RFX2: variants seen among roughly 807,000 people sequenced by gnomAD.
RFX2 encodes the protein regulatory factor X2.
RFX2 carries 20 observed loss-of-function variants against 87.8 expected under a neutral mutation model. That is an observed-to-expected ratio of 0.23 (90% CI 0.16 to 0.33). The LOEUF is 0.33. RFX2 is among the 10% of genes least tolerant of loss of function. The pLI is 1.00. For missense variants in RFX2, 767 were observed against 1,012.3 expected (o/e 0.76, Z 3.29); for synonymous variants, 397 against 431.3 (o/e 0.92, Z 0.98).
At chr19:6,069,231 G>C (rs964012124) in intron 1 of RFX2, among the ~76,000 whole-genome samples, 14 of 152,190 alleles carry the variant, frequency 9.2e-5, no homozygotes, top group Non-Finnish European at 1.6e-4. Context: ...ATGCAGGCTG[G>C]AGCCATCAGT....
At chr19:6,032,048 G>C (rs993080372) in intron 5 of RFX2, among the ~76,000 whole-genome samples, 1 of 152,198 alleles carries the variant, frequency 6.6e-6, no homozygotes, top group Non-Finnish European at 1.5e-5. Context: ...TGTTACCATA[G>C]AAGGAGCCAA....
At chr19:6,028,202 AT>A (rs2086914134) in intron 5 of RFX2, among the ~76,000 whole-genome samples, 2 of 149,550 alleles carry the variant, frequency 1.3e-5, no homozygotes, top group African/African-American at 5.1e-5. Context: ...CACTTTCCAA[AT>A]TAAAAAAAAA....
intron 1 of RFX2, among the ~76,000 whole-genome samples, chr19:6,051,605 G>C (rs1395551385): frequency 6.6e-6 from 1 of 151,854 alleles, no homozygotes; most frequent in Non-Finnish European, 1.5e-5. Context: ...ATAAAGGCAA[G>C]AAATAAAGAA....
At chr19:6,095,974 C>T (rs2088016596) in intron 1 of RFX2, among the ~76,000 whole-genome samples, 1 of 152,212 alleles carries the variant, frequency 6.6e-6, no homozygotes, top group Non-Finnish European at 1.5e-5. Flanking sequence ...ATGTTGTCTA[C>T]ATCTGCTTTC....
Position 6,021,950 on chromosome 19 carries a change from G to A in RFX2, c.597+4213C>T, listed in dbSNP as rs1356095645. On this transcript the variant is annotated intron_variant, in intron 6 of 17. Transcript: ENST00000303657. The surrounding 1 kb of genome is among the most constrained non-coding windows in gnomAD (Gnocchi z 5.7). Reference sequence around the variant, plus strand: ...GACAGTGGCGGCTCGGGAAGTAGTCGAAGTGGAGGAGGTGGGGGGTGCCAC... The same window carrying A: ...GACAGTGGCGGCTCGGGAAGTAGTCAAAGTGGAGGAGGTGGGGGGTGCCAC... Among the ~76,000 whole-genome samples the A allele has an allele frequency of 6.6e-6, 1 of 152,128 alleles. No homozygotes were observed. Among genetic ancestry groups the A allele is most frequent in the Non-Finnish European group, 1.5e-5 (1 of 68,012 alleles).
chr19:6,107,434 T>C (rs2088234347), intron 1 of RFX2, among the ~76,000 whole-genome samples: 2 of 151,290 alleles, frequency 1.3e-5, no homozygotes, highest in South Asian at 4.2e-4. Flanking sequence ...CTGGCCAACA[T>C]AGTGAAACCC....
chr19:6,073,307 T>C (rs769124264), intron 1 of RFX2: 16 of 1,173,224 alleles, frequency 1.4e-5, no homozygotes, highest in Middle Eastern at 2.8e-4. Flanking sequence ...CCAACACTGG[T>C]CATGGGAGCA....
intron 1 of RFX2, among the ~76,000 whole-genome samples, chr19:6,081,813 C>G (rs894968368): frequency 6.6e-6 from 1 of 152,076 alleles, no homozygotes; most frequent in Non-Finnish European, 1.5e-5. Flanking sequence ...ATTGGCCGGG[C>G]GCGTTGGCTC....
chr19:6,001,823 G>C lies in RFX2; in HGVS notation c.1851C>G (p.Ser617=). ...KAARQFLLKW[S]FYSSMVIRDL... ...GGTCTGGTGGGACTAACCTGTAAAA[G>C]GACCATTTCAGCAAGAACTGCCGGG... is the stretch of plus-strand genomic sequence containing the variant. Residue 617 remains serine (S), a synonymous_variant, in exon 15 of 18, where the codon TCC becomes TCG. Coordinates refer to ENST00000303657, the MANE Select transcript of RFX2 (RefSeq NM_000635.4). The surrounding 1 kb of genome is among the most constrained non-coding windows in gnomAD (Gnocchi z 5.6). The C allele has an allele frequency of 6.2e-7, 1 of 1,608,934 alleles. No homozygotes were observed. The highest frequency in any genetic ancestry group is 8.5e-7 in the Non-Finnish European group (1 of 1,177,120).
At chr19:6,094,766 T>G (rs1200907784) in intron 1 of RFX2, among the ~76,000 whole-genome samples, 1 of 152,188 alleles carries the variant, frequency 6.6e-6, no homozygotes, top group African/African-American at 2.4e-5. Context: ...AAATGAATAT[T>G]TTCAATACAG....
intron 1 of RFX2, among the ~76,000 whole-genome samples, chr19:6,082,909 T>C (rs1230993619): frequency 1.3e-5 from 2 of 152,216 alleles, no homozygotes; most frequent in African/African-American, 4.8e-5. Flanking sequence ...CCTGTCTTTA[T>C]GTAAAATTTC....
rs1294068124 is a variant in RFX2 at position 6,040,500 on chromosome 19, C to T, written c.261-259G>A. 2.6e-5 allele frequency among the ~76,000 whole-genome samples: 4 copies of T among 152,226 alleles called. No individual in the cohort carries two copies. Among genetic ancestry groups the T allele is most frequent in the African/African-American group, 7.2e-5 (3 of 41,466 alleles). ...CTAGGCCAGGCGTGGTGGCTCACGC[C>T]TGTAATCCCAGCACTTTGGGAGGCT... On this transcript the variant is annotated intron_variant, in intron 4 of 17. Coordinates refer to ENST00000303657, the MANE Select transcript of RFX2 (RefSeq NM_000635.4). This position sits in a 1 kb window ranked among gnomAD's most constrained non-coding sequence, Gnocchi z 6.1.
chr19:6,023,706 C>T lies in RFX2; in HGVS notation c.597+2457G>A, dbSNP rs1342973334. On this transcript the variant is annotated intron_variant, in intron 6 of 17. Coordinates refer to ENST00000303657, the MANE Select transcript of RFX2 (RefSeq NM_000635.4). This position sits in a 1 kb window ranked among gnomAD's most constrained non-coding sequence, Gnocchi z 4.9. The stretch of plus-strand genomic sequence containing the variant: ...AAGCGACCTGAGAAAGTCTGCCTTT[C>T]GGATGAAGTGTTAGAAAGCAGGAAG... 1.3e-5 allele frequency among the ~76,000 whole-genome samples: 2 copies of T among 152,088 alleles called. No homozygotes were observed. The highest frequency in any genetic ancestry group is 2.4e-5 in the African/African-American group (1 of 41,398).
intron 6 of RFX2, among the ~76,000 whole-genome samples, chr19:6,025,654 T>C (rs1372559532): frequency 2.6e-5 from 4 of 152,188 alleles, no homozygotes; most frequent in African/African-American, 9.7e-5. Context: ...CTTTTACAAA[T>C]AAAGAATCTG....
At chr19:6,054,007 T>C (rs1372073239) in intron 1 of RFX2, among the ~76,000 whole-genome samples, 1 of 147,590 alleles carries the variant, frequency 6.8e-6, no homozygotes, top group Non-Finnish European at 1.5e-5. Flanking sequence ...AATTAACAAC[T>C]TCTCCTGGAA....
rs2086886136 is a variant in RFX2, at chr19:6,026,163, A to G, written c.597T>C (p.His199=). ...GTTGCCAGGTCAGACGCACACTTAC[A>G]TGGCTGTTGAGTAAACCGCTTTTGT... ...TSHKSGLLNS[H]LQWLLDNYET... Residue 199 remains histidine (H), a splice_region_variant and synonymous_variant, in exon 6 of 18, where the codon CAT becomes CAC. Coordinates refer to ENST00000303657, the MANE Select transcript of RFX2 (RefSeq NM_000635.4). The surrounding 1 kb of genome is among the most constrained non-coding windows in gnomAD (Gnocchi z 4.5). 4 of 1,612,890 alleles carry G rather than the reference A, an allele frequency of 2.5e-6. No individual in the cohort carries two copies. Among genetic ancestry groups the G allele is most frequent in the Non-Finnish European group, 3.4e-6 (4 of 1,179,256 alleles).
chr19:6,096,460 G>T (rs1247334361), intron 1 of RFX2, among the ~76,000 whole-genome samples: 1 of 148,128 alleles, frequency 6.8e-6, no homozygotes, highest in Non-Finnish European at 1.5e-5. Flanking sequence ...GTTTTGTTTT[G>T]TTTTGAGATG....
chr19:5,998,634 CT>C lies in RFX2; in HGVS notation c.1860-1422del, dbSNP rs1378185405. On this transcript the variant is annotated intron_variant, in intron 15 of 17. Transcript: ENST00000303657. The surrounding 1 kb of genome is among the most constrained non-coding windows in gnomAD (Gnocchi z 4.2). The stretch of plus-strand genomic sequence containing the variant: ...CCACCCAGGTTGGCTTCCAAGCCCC[CT>C]TTCCCCAAAGGCCTCCCCCACGCAG... Among the ~76,000 whole-genome samples the C allele has an allele frequency of 6.6e-6, 1 of 152,178 alleles. No homozygotes were observed. Among genetic ancestry groups the C allele is most frequent in the Non-Finnish European group, 1.5e-5 (1 of 68,028 alleles).
In RFX2 at chr19:6,022,046, C is replaced by T. The variant is rs983720178; in HGVS notation, c.597+4117G>A. 7.2e-5 allele frequency among the ~76,000 whole-genome samples: 11 copies of T among 151,742 alleles called. No homozygotes were observed. The highest frequency in any genetic ancestry group is 8.8e-5 in the Non-Finnish European group (6 of 67,946). On this transcript the variant is annotated intron_variant, in intron 6 of 17. Transcript: ENST00000303657. This position sits in a 1 kb window ranked among gnomAD's most constrained non-coding sequence, Gnocchi z 6.2. ...GGTGGGCATGAGAGGAGCAAGGAGG[C>T]GAGGACGCAGTGGGGTTGGGGGCCG...
Sources: gnomAD v4.1 joint callset for allele counts (sites outside exome capture counted in the v4.1 genomes callset) on GRCh38, gnomAD v4.1.1 for gene constraint, Gnocchi (gnomAD v3.1) non-coding constraint, MANE v1.5 for transcripts, NCBI Gene and HGNC (gene_info 2026-07-23, HGNC 2026-07-21) for gene names.